TNFSF8: variants seen among roughly 807,000 people sequenced by gnomAD.
TNFSF8 encodes the protein tumor necrosis factor ligand superfamily member 8.
In TNFSF8, 4 loss-of-function variants were observed where a neutral mutation model predicts 22.0. That is an observed-to-expected ratio of 0.18 (90% CI 0.09 to 0.42). TNFSF8 has a LOEUF of 0.42. TNFSF8 is among the 10% of genes least tolerant of loss of function. The probability of loss-of-function intolerance (pLI) is 1.00; values close to 1 mark genes in which losing one functional copy is unlikely to be tolerated. For missense variants in TNFSF8, 233 were observed against 281.8 expected, an observed-to-expected ratio of 0.83 and a Z score of 1.24; for synonymous variants, 106 against 112.5, an observed-to-expected ratio of 0.94 and a Z score of 0.37.
At chr9:114,899,977 G>A (rs1358228371), downstream of TNFSF8, among the ~76,000 whole-genome samples, 1 of 152,198 alleles carries the variant, frequency 6.6e-6, no homozygotes, top group African/African-American at 2.4e-5. Context: ...TGTGCTTATT[G>A]TAGCTTTGTG....
chr9:114,901,812 T>C lies in TNFSF8; in HGVS notation c.*2119A>G. On this transcript the variant is annotated 3_prime_UTR_variant, in exon 4 of 4. Coordinates refer to ENST00000223795, the MANE Select transcript of TNFSF8 (RefSeq NM_001244.4). ...TACTAAATATTTCATAGAGGAGACC[T>C]AGGAGGAGGTTGACACAGCACACTG... The C allele has an allele frequency of 2.1e-6, 2 of 972,404 alleles. No homozygotes were observed. Among genetic ancestry groups the C allele is most frequent in the Non-Finnish European group, 2.4e-6 (2 of 818,154 alleles). The allele number at this position is 972,404 out of a possible 1,614,324, so 60.2% of individuals were successfully genotyped here.
exon 5 of TNFSF8, chr9:114,893,935 C>T: frequency 4.5e-6 from 3 of 666,462 alleles, no homozygotes; most frequent in Non-Finnish European, 7.8e-6. Context: ...CTAGATGATT[C>T]TGTTTGTGGG....
At chr9:114,924,743 A>T (rs1195259421) in intron 1 of TNFSF8, among the ~76,000 whole-genome samples, 3 of 152,166 alleles carry the variant, frequency 2.0e-5, no homozygotes, top group Non-Finnish European at 4.4e-5. Flanking sequence ...CATCCCAAGC[A>T]GAAATGACTT....
rs1827777181 is a variant in TNFSF8, at chr9:114,905,810, C to T, written c.310+18G>A. The T allele has an allele frequency of 6.2e-7, 1 of 1,600,912 alleles. No individual in the cohort carries two copies. The highest frequency in any genetic ancestry group is 1.3e-5 in the African/African-American group (1 of 74,754). On this transcript the variant is annotated intron_variant, in intron 3 of 3. Transcript: ENST00000223795. ...AGCGGTTTTCATATGTTTAGGTTTCCTGGGCTTGGTTACTGACCTTGGAGG... is the reference window on the plus strand; with the variant it reads ...AGCGGTTTTCATATGTTTAGGTTTCTTGGGCTTGGTTACTGACCTTGGAGG...
At chr9:114,896,792 T>TA (rs1371474924), downstream of TNFSF8, among the ~76,000 whole-genome samples, 1 of 152,218 alleles carries the variant, frequency 6.6e-6, no homozygotes, top group Non-Finnish European at 1.5e-5. Flanking sequence ...AGCAAAGATT[T>TA]ATTTTTTTTT....
chr9:114,902,162 T>G lies in TNFSF8; in HGVS notation c.*1769A>C. 3 of 985,360 alleles carry G rather than the reference T, an allele frequency of 3.0e-6. No homozygotes were observed. Among genetic ancestry groups the G allele is most frequent in the Non-Finnish European group, 3.6e-6 (3 of 829,916 alleles). The allele number at this position is 985,360 out of a possible 1,614,324, so 61.0% of individuals were successfully genotyped here. On this transcript the variant is annotated 3_prime_UTR_variant, in exon 4 of 4. Coordinates refer to ENST00000223795, the MANE Select transcript of TNFSF8 (RefSeq NM_001244.4). Reference sequence around the variant, plus strand: ...CCAAAGATGATGTACAGATGCCAAGTTGGATATAGCTAGAGAAATCTCATG... The same window carrying G: ...CCAAAGATGATGTACAGATGCCAAGGTGGATATAGCTAGAGAAATCTCATG...
chr9:114,900,849 G>GT (rs1827708236), downstream of TNFSF8, among the ~76,000 whole-genome samples: 1 of 152,158 alleles, frequency 6.6e-6, no homozygotes, highest in Non-Finnish European at 1.5e-5. Context: ...GGGTGTGGTG[G>GT]TGCGTGCCTG....
chr9:114,918,807 G>A (rs1191812139), intron 1 of TNFSF8, among the ~76,000 whole-genome samples: 1 of 152,098 alleles, frequency 6.6e-6, no homozygotes, highest in South Asian at 2.1e-4. Context: ...CACCATATTG[G>A]CCAGGTTGGT....
chr9:114,929,968 A>ATC, intron 1 of TNFSF8, 141 bp downstream of exon 1: 1 of 307,738 alleles, frequency 3.2e-6, no homozygotes. Flanking sequence ...TATAGTATAT[A>ATC]TATATATATA....
In TNFSF8 at chr9:114,905,901, TA is replaced by T. The variant is rs762708498; in HGVS notation, c.239-3del. On this transcript the variant is annotated splice_region_variant and splice_polypyrimidine_tract_variant and intron_variant, in intron 2 of 3. Coordinates refer to ENST00000223795, the MANE Select transcript of TNFSF8 (RefSeq NM_001244.4). Reference sequence around the variant, plus strand: ...ATAAGAGGTCTTCTGAGCAATTTCCTAAAAATAAGGAGACGATGCATTAAAA... The same window carrying T: ...ATAAGAGGTCTTCTGAGCAATTTCCTAAAATAAGGAGACGATGCATTAAAA... 1.1e-5 allele frequency: 18 copies of T among 1,607,066 alleles called. No individual in the cohort carries two copies. The highest frequency in any genetic ancestry group is 1.4e-5 in the Non-Finnish European group (16 of 1,173,962).
downstream of TNFSF8, among the ~76,000 whole-genome samples, chr9:114,898,657 T>C (rs1179070708): frequency 6.6e-6 from 1 of 152,150 alleles, no homozygotes; most frequent in Non-Finnish European, 1.5e-5. Flanking sequence ...TTGTACATAA[T>C]GGTGAGGTCA....
rs576726455 is a variant in TNFSF8, at chr9:114,901,275, G to C, written c.*2656C>G. ...ACAGAATTTAGTTTTAAACTTCCTG[G>C]GTTGCCTACTCCCTACATATCTATC... On this transcript the variant is annotated 3_prime_UTR_variant, in exon 4 of 4. Transcript: ENST00000223795. 2 of 985,226 alleles carry C rather than the reference G, an allele frequency of 2.0e-6. No individual in the cohort carries two copies. The highest frequency in any genetic ancestry group is 2.4e-6 in the Non-Finnish European group (2 of 829,870). 61.0% of individuals were successfully genotyped at this position (985,226 alleles called of 1,614,324 possible).
At chr9:114,918,045 C>A (rs769714518) in intron 2 of TNFSF8, 51 bp downstream of exon 2, 17 of 1,541,408 alleles carry the variant, frequency 1.1e-5, no homozygotes, top group Non-Finnish European at 3.5e-6. Flanking sequence ...CACTTTATGG[C>A]ATTTATCTAG....
intron 2 of TNFSF8, among the ~76,000 whole-genome samples, chr9:114,914,885 A>G (rs1196726146): frequency 6.6e-6 from 1 of 152,116 alleles, no homozygotes. Flanking sequence ...ATTACCCAAA[A>G]GGGTTTGATT....
At chr9:114,916,334 A>G (rs1437087253) in intron 2 of TNFSF8, among the ~76,000 whole-genome samples, 1 of 152,140 alleles carries the variant, frequency 6.6e-6, no homozygotes, top group Non-Finnish European at 1.5e-5. Flanking sequence ...TTATTATGGT[A>G]CCAGAATACT....
Position 114,901,520 on chromosome 9 carries a change from G to C in TNFSF8, c.*2411C>G, listed in dbSNP as rs3181201. The C allele has an allele frequency of 0.46, 448,440 of 984,978 alleles. 105,795 individuals are homozygous for C. Among genetic ancestry groups the C allele is most frequent in the African/African-American group, 0.76 (43,544 of 57,252 alleles). The allele number at this position is 984,978 out of a possible 1,614,324, so 61.0% of individuals were successfully genotyped here. A position where few individuals can be genotyped will look rare whatever the true frequency, so the allele number is the denominator to read the frequency against. On this transcript the variant is annotated 3_prime_UTR_variant, in exon 4 of 4. Transcript: ENST00000223795. ...CTTTCTCGAGTTAGAATGTGAGATGGCAAAAAAATTGCTTAGTTAACACAC... is the reference window on the plus strand; with the variant it reads ...CTTTCTCGAGTTAGAATGTGAGATGCCAAAAAAATTGCTTAGTTAACACAC...
rs1350388742 is a variant in TNFSF8 at position 114,927,104 on chromosome 9, TTATAA to T, written c.195+3000_195+3004del. On this transcript the variant is annotated intron_variant, in intron 1 of 3. Coordinates refer to ENST00000223795, the MANE Select transcript of TNFSF8 (RefSeq NM_001244.4). ...ATATTTATAATATAAAATGTTTATT[TTATAA>T]TATAAAGTAATATTATTATATAAAA... 4.1e-5 allele frequency among the ~76,000 whole-genome samples: 6 copies of T among 146,886 alleles called. No individual in the cohort carries two copies. In the East Asian group the frequency reaches 1.2e-3, roughly 29 times the overall value.
At chr9:114,923,087 G>A (rs1349376388) in intron 1 of TNFSF8, among the ~76,000 whole-genome samples, 5 of 152,060 alleles carry the variant, frequency 3.3e-5, no homozygotes, top group African/African-American at 4.8e-5. Context: ...GTGATATCCT[G>A]TCCTCTCCGT....
chr9:114,902,768 G>T lies in TNFSF8; in HGVS notation c.*1163C>A. The stretch of plus-strand genomic sequence containing the variant: ...GGTCTGGTCTTCTGAGATGGAAGAG[G>T]TTTTGAAGCAATTCAAACCCAGTCC... On this transcript the variant is annotated 3_prime_UTR_variant, in exon 4 of 4. Coordinates refer to ENST00000223795, the MANE Select transcript of TNFSF8 (RefSeq NM_001244.4). 2.0e-6 allele frequency: 2 copies of T among 985,306 alleles called. No individual in the cohort carries two copies. The highest frequency in any genetic ancestry group is 2.4e-6 in the Non-Finnish European group (2 of 829,820). 61.0% of individuals were successfully genotyped at this position (985,306 alleles called of 1,614,324 possible). A position where few individuals can be genotyped will look rare whatever the true frequency, so the allele number is the denominator to read the frequency against.
Sources: gnomAD v4.1 joint callset for allele counts (sites outside exome capture counted in the v4.1 genomes callset) on GRCh38, gnomAD v4.1.1 for gene constraint, MANE v1.5 for transcripts, NCBI Gene and HGNC (gene_info 2026-07-23, HGNC 2026-07-21) for gene names.